The following ADAM10 variants were observed in gnomAD, a reference collection of about 807,000 sequenced individuals.
ADAM10 encodes the protein disintegrin and metalloproteinase domain-containing protein 10.
Under a neutral mutation model 90.1 loss-of-function variants are expected in ADAM10, and 17 were observed. That is an observed-to-expected ratio of 0.19 (90% CI 0.13 to 0.28). The LOEUF (loss-of-function observed/expected upper bound fraction) is 0.28, where lower values mean the gene tolerates loss of function less well. ADAM10 is among the 10% of genes least tolerant of loss of function. ADAM10 has a pLI of 1.00. For synonymous variants in ADAM10, 310 were observed against 298.6 expected, an observed-to-expected ratio of 1.04 and a Z score of -0.40; for missense variants, 610 against 914.3, an observed-to-expected ratio of 0.67 and a Z score of 4.29.
chr15:58,597,283 T>C lies in ADAM10; in HGVS notation c.*264A>G. 1 of 1,182,850 alleles carries C rather than the reference T, an allele frequency of 8.5e-7. No homozygotes were observed. Among genetic ancestry groups the C allele is most frequent in the Non-Finnish European group, 1.2e-6 (1 of 857,594 alleles). The allele number at this position is 1,182,850 out of a possible 1,614,324, so 73.3% of individuals were successfully genotyped here. A position where few individuals can be genotyped will look rare whatever the true frequency, so the allele number is the denominator to read the frequency against. ...ACAGGGAACACGGGGCACATAATAA[T>C]ATTCTAAGACTTTGTGCCATTAAGT... On this transcript the variant is annotated 3_prime_UTR_variant, in exon 16 of 16. Transcript: ENST00000260408.
intron 2 of ADAM10, among the ~76,000 whole-genome samples, chr15:58,710,364 T>A (rs879844615): frequency 6.6e-6 from 1 of 152,238 alleles, no homozygotes; most frequent in Non-Finnish European, 1.5e-5. Context: ...AAAATTCACA[T>A]ACCCTTTTGT....
intron 2 of ADAM10, among the ~76,000 whole-genome samples, chr15:58,697,907 T>A (rs1295749183): frequency 6.6e-6 from 1 of 152,162 alleles, no homozygotes; most frequent in Non-Finnish European, 1.5e-5. Flanking sequence ...AATCAGACAC[T>A]ATTAACGCTG....
At chr15:58,660,729 C>T (rs866511616) in intron 5 of ADAM10, among the ~76,000 whole-genome samples, 3 of 152,234 alleles carry the variant, frequency 2.0e-5, no homozygotes, top group Middle Eastern at 6.8e-3. Flanking sequence ...ATTTTATTAA[C>T]ATGTTAAATT....
intron 8 of ADAM10, among the ~76,000 whole-genome samples, chr15:58,634,160 A>AAAC (rs1896184009): frequency 6.6e-6 from 1 of 151,832 alleles, no homozygotes. Flanking sequence ...AAAATACAAA[A>AAAC]ATTAGCTGGG....
intron 2 of ADAM10, chr15:58,686,414 T>C: frequency 2.4e-6 from 3 of 1,264,122 alleles, no homozygotes; most frequent in Non-Finnish European, 2.3e-6. Flanking sequence ...CGCCACCATG[T>C]CCTCTGGGGC....
chr15:58,688,786 A>ATATATATATATATATATATCTCTCTC lies in ADAM10; in HGVS notation c.207-6473_207-6472insGAGAGAGATATATATATATATATATA. Among the ~76,000 whole-genome samples, 72 of 122,330 alleles carry ATATATATATATATATATATCTCTCTC rather than the reference A, an allele frequency of 5.9e-4. 1 individual carries two copies. The highest frequency in any genetic ancestry group is 1.9e-3 in the African/African-American group (54 of 27,804). 80.3% of individuals were successfully genotyped at this position (122,330 alleles called of 152,430 possible). A position where few individuals can be genotyped will look rare whatever the true frequency, so the allele number is the denominator to read the frequency against. On this transcript the variant is annotated intron_variant, in intron 2 of 15. Coordinates refer to ENST00000260408, the MANE Select transcript of ADAM10 (RefSeq NM_001110.4). ...AAAAATTATATATATATATATATAT[A>ATATATATATATATATATATCTCTCTC]TCTCTCTCTCTCACTGGACTGACTT...
chr15:58,662,907 G>C (rs1897002604), intron 5 of ADAM10, among the ~76,000 whole-genome samples: 1 of 152,160 alleles, frequency 6.6e-6, no homozygotes, highest in Non-Finnish European at 1.5e-5. Context: ...CAACACTGCT[G>C]TGTTTTTATC....
intron 2 of ADAM10, among the ~76,000 whole-genome samples, chr15:58,683,312 T>C (rs1461020721): frequency 1.3e-5 from 2 of 152,304 alleles, no homozygotes; most frequent in East Asian, 3.9e-4. Context: ...CAGAGTACTA[T>C]AAGAACCTTG....
Position 58,643,951 on chromosome 15 carries a change from T to C in ADAM10, c.763A>G (p.Thr255Ala), listed in dbSNP as rs147572059. The C allele has an allele frequency of 3.2e-4, 521 of 1,612,650 alleles. 4 individuals are homozygous for C. The East Asian group carries it at 0.011, about 33-fold the overall frequency. Residue 255 changes from threonine (T) to alanine (A), a missense_variant, in exon 7 of 16, where the codon ACA becomes GCA. Transcript: ENST00000260408. ...QISSHVKAID[T>A]IYQTTDFSGI... is the part of the protein sequence containing the mutation. The stretch of plus-strand genomic sequence containing the variant: ...GAGAAGTCTGTGGTCTGGTAAATTG[T>C]ATCAATCGCTTTAACATGACTGGAT...
At chr15:58,622,261 C>A (rs1895808606) in intron 10 of ADAM10, among the ~76,000 whole-genome samples, 1 of 152,066 alleles carries the variant, frequency 6.6e-6, no homozygotes, top group Non-Finnish European at 1.5e-5. Flanking sequence ...TCATATCTAA[C>A]AAAATTAATA....
intron 11 of ADAM10, among the ~76,000 whole-genome samples, chr15:58,612,928 G>C (rs1341392059): frequency 6.6e-6 from 1 of 152,168 alleles, no homozygotes; most frequent in Non-Finnish European, 1.5e-5. Flanking sequence ...AGGTTTGTGA[G>C]ATCCTGAGCC....
At chr15:58,644,749 A>G (rs889519687) in intron 6 of ADAM10, among the ~76,000 whole-genome samples, 2 of 152,194 alleles carry the variant, frequency 1.3e-5, no homozygotes, top group East Asian at 3.8e-4. Flanking sequence ...CACATTCTGT[A>G]AACTTTGTTG....
intron 1 of ADAM10, among the ~76,000 whole-genome samples, chr15:58,726,876 G>A (rs1048754532): frequency 2.0e-4 from 30 of 147,530 alleles, no homozygotes; most frequent in African/African-American, 5.7e-4. Flanking sequence ...CTCCATCTCC[G>A]AAGGGGAGGG....
intron 5 of ADAM10, among the ~76,000 whole-genome samples, chr15:58,659,788 GT>G (rs1596039421): frequency 6.6e-6 from 1 of 152,224 alleles, no homozygotes; most frequent in South Asian, 2.1e-4. Context: ...GAGTGCAGTG[GT>G]GCAATCTCGG....
At chr15:58,740,404 G>A (rs1334757191) in intron 1 of ADAM10, among the ~76,000 whole-genome samples, 2 of 140,940 alleles carry the variant, frequency 1.4e-5, no homozygotes, top group African/African-American at 5.9e-5. Context: ...GCGAGACTCT[G>A]TCTCTAGGGA....
intron 2 of ADAM10, among the ~76,000 whole-genome samples, chr15:58,707,089 G>GA (rs112128259): frequency 0.44 from 48,963 of 110,976 alleles, 10,266 homozygotes; most frequent in African/African-American, 0.6. Context: ...TTTGGGGGGG[G>GA]GAAAAAAGCT....
In ADAM10 at chr15:58,679,299, C is replaced by G. The variant is rs1322472101; in HGVS notation, c.326-17G>C. On this transcript the variant is annotated splice_polypyrimidine_tract_variant and intron_variant, in intron 3 of 15. Transcript: ENST00000260408. Reference sequence around the variant, plus strand: ...CTTCTTCACCTATTAATGAAAGCAACAAATTCTTGACAATTTAATTTGCAC... The same window carrying G: ...CTTCTTCACCTATTAATGAAAGCAAGAAATTCTTGACAATTTAATTTGCAC... The G allele has an allele frequency of 5.0e-6, 8 of 1,612,522 alleles. No homozygotes were observed. The highest frequency in any genetic ancestry group is 2.7e-5 in the African/African-American group (2 of 74,832).
intron 2 of ADAM10, chr15:58,691,754 C>A (rs1264687513): frequency 8.9e-6 from 3 of 337,848 alleles, no homozygotes; most frequent in Non-Finnish European, 1.7e-5. Context: ...ATGATCTTGG[C>A]TCACTGCAAC....
At chr15:58,630,608 A>G (rs1171296691) in intron 9 of ADAM10, among the ~76,000 whole-genome samples, 2 of 152,206 alleles carry the variant, frequency 1.3e-5, no homozygotes, top group Non-Finnish European at 2.9e-5. Context: ...TTATGATTAC[A>G]ACTTCCTACA....
Sources: gnomAD v4.1 joint callset for allele counts (sites outside exome capture counted in the v4.1 genomes callset) on GRCh38, gnomAD v4.1.1 for gene constraint, MANE v1.5 for transcripts, NCBI Gene and HGNC (gene_info 2026-07-23, HGNC 2026-07-21) for gene names.